LOC112694756: variants seen among roughly 807,000 people sequenced by gnomAD.
the LOC112694756 span, chr16:30,055,255 A>C: frequency 2.5e-6 from 1 of 399,270 alleles, no homozygotes; most frequent in Non-Finnish European, 4.4e-6. Context: ...GGACCTGTGC[A>C]GAAGCCTGCA....
chr16:30,068,540 C>T, the LOC112694756 span: 7 of 1,294,910 alleles, frequency 5.4e-6, no homozygotes, highest in Admixed American at 3.6e-5. Flanking sequence ...GAAGTGGAGG[C>T]TTCAGTGAGC....
the LOC112694756 span, chr16:30,068,761 G>T: frequency 6.2e-7 from 1 of 1,614,178 alleles, no homozygotes; most frequent in African/African-American, 1.3e-5. Context: ...GGTGCTGGGA[G>T]GAGTGGAAAC....
the LOC112694756 span, chr16:30,064,315 C>T: frequency 1.3e-5 from 5 of 396,206 alleles, no homozygotes; most frequent in Non-Finnish European, 2.2e-5. Context: ...ATCAGAACAG[C>T]CACCATCACC....
the LOC112694756 span, chr16:30,068,991 GTCC>G: frequency 6.2e-7 from 1 of 1,614,082 alleles, no homozygotes. Context: ...GGGCCTGCAG[GTCC>G]TCAATAGGCA....
chr16:30,062,637 T>C, the LOC112694756 span, among the ~76,000 whole-genome samples: 1 of 150,600 alleles, frequency 6.6e-6, no homozygotes, highest in Non-Finnish European at 1.5e-5. Flanking sequence ...AGGTCAGGAA[T>C]TCAAGACCAG....
the LOC112694756 span, among the ~76,000 whole-genome samples, chr16:30,066,670 C>T: frequency 6.6e-6 from 1 of 152,208 alleles, no homozygotes; most frequent in Admixed American, 6.5e-5. Flanking sequence ...CCTTGGAGCC[C>T]GGGCCAGCCC....
At chr16:30,068,571 C>T in the LOC112694756 span, 1 of 1,537,400 alleles carries the variant, frequency 6.5e-7, no homozygotes, top group Non-Finnish European at 9.0e-7. Flanking sequence ...CCACTGTACT[C>T]CAGCCGGGGC....
At chr16:30,054,382 G>T in the LOC112694756 span, among the ~76,000 whole-genome samples, 3 of 152,028 alleles carry the variant, frequency 2.0e-5, no homozygotes, top group East Asian at 5.8e-4. Context: ...AGCCATTGAC[G>T]GATTGTAAGG....
chr16:30,069,992 T>C, the LOC112694756 span: 3 of 1,613,764 alleles, frequency 1.9e-6, no homozygotes, highest in East Asian at 4.5e-5. Flanking sequence ...AAGGAGAACC[T>C]GAAGGCTGCG....
chr16:30,063,096 G>T, the LOC112694756 span, among the ~76,000 whole-genome samples: 2 of 148,874 alleles, frequency 1.3e-5, no homozygotes, highest in Non-Finnish European at 3.0e-5. Context: ...AGCCAAGATC[G>T]CACCATTGCA....
chr16:30,059,973 C>CATTTT, the LOC112694756 span, among the ~76,000 whole-genome samples: 1 of 151,628 alleles, frequency 6.6e-6, no homozygotes, highest in African/African-American at 2.4e-5. Context: ...TATATTTTTT[C>CATTTT]ATTTTATTTT....
At chr16:30,059,895 A>T in the LOC112694756 span, among the ~76,000 whole-genome samples, 2 of 151,946 alleles carry the variant, frequency 1.3e-5, no homozygotes, top group African/African-American at 4.8e-5. Flanking sequence ...TCCAGCACTC[A>T]TTACTTACCA....
the LOC112694756 span, among the ~76,000 whole-genome samples, chr16:30,060,572 T>A: frequency 6.6e-6 from 1 of 152,136 alleles, no homozygotes; most frequent in African/African-American, 2.4e-5. Flanking sequence ...CATTAGCCAG[T>A]TATTAATGAC....
At chr16:30,063,599 A>C in the LOC112694756 span, 1 of 397,990 alleles carries the variant, frequency 2.5e-6, no homozygotes, top group Non-Finnish European at 4.4e-6. Flanking sequence ...TGTTCCTGGG[A>C]ATGATGGACA....
At chr16:30,066,581 A>G in the LOC112694756 span, among the ~76,000 whole-genome samples, 1 of 152,080 alleles carries the variant, frequency 6.6e-6, no homozygotes, top group East Asian at 1.9e-4. Context: ...TTGCTCTCTT[A>G]TATTTTTCCT....
the LOC112694756 span, chr16:30,067,247 C>T: frequency 6.2e-7 from 1 of 1,612,256 alleles, no homozygotes; most frequent in Non-Finnish European, 8.5e-7. Flanking sequence ...CTTGCTACTA[C>T]CAGCACCATG....
At chr16:30,054,943 G>A in the LOC112694756 span, 7 of 398,836 alleles carry the variant, frequency 1.8e-5, no homozygotes, top group Admixed American at 4.4e-5. Flanking sequence ...GGGTCTGGTC[G>A]GGGATAAAGG....
chr16:30,068,956 G>A, the LOC112694756 span: 7 of 1,614,238 alleles, frequency 4.3e-6, no homozygotes, highest in South Asian at 2.2e-5. Flanking sequence ...GTTCTGGCCC[G>A]TTATGCCAGT....
At chr16:30,061,548 CTTTTTT>C in the LOC112694756 span, among the ~76,000 whole-genome samples, 236 of 65,608 alleles carry the variant, frequency 3.6e-3, 1 homozygote, top group African/African-American at 0.011. Flanking sequence ...CCTCCATTTC[CTTTTTT>C]TTTTTTTTTT....
Sources: allele counts gnomAD v4.1 joint callset (sites outside exome capture counted in the v4.1 genomes callset), GRCh38; gene constraint gnomAD v4.1.1; transcripts MANE v1.5.